NUBPL: variants seen among roughly 807,000 people sequenced by gnomAD.
NUBPL encodes iron-sulfur cluster transfer protein NUBPL.
In NUBPL, 31 loss-of-function variants were observed where a neutral mutation model predicts 45.7. The observed-to-expected ratio is 0.68, with a 90% CI of 0.51 to 0.92. The LOEUF is 0.92. Ranked by LOEUF, NUBPL falls within the 40% of genes least tolerant of loss-of-function variation. NUBPL has a pLI of 0.00. For synonymous variants in NUBPL, 144 were observed against 140.9 expected (o/e 1.02, Z -0.15); for missense variants, 401 against 398.7 (o/e 1.01, Z -0.05).
intron 6 of NUBPL, among the ~76,000 whole-genome samples, chr14:31,766,108 A>G (rs983598789): frequency 6.6e-6 from 1 of 152,252 alleles, no homozygotes; most frequent in Non-Finnish European, 1.5e-5. Flanking sequence ...ACACACAAAT[A>G]GAATTTAAGT....
chr14:31,652,401 T>TAA (rs1344669815), intron 4 of NUBPL, among the ~76,000 whole-genome samples: 1 of 152,196 alleles, frequency 6.6e-6, no homozygotes, highest in Non-Finnish European at 1.5e-5. Context: ...GTTAAAATAC[T>TAA]AATGCATTGT....
At chr14:31,672,956 TGGACGG>T (rs977805127) in intron 4 of NUBPL, among the ~76,000 whole-genome samples, 1 of 152,196 alleles carries the variant, frequency 6.6e-6, no homozygotes, top group African/African-American at 2.4e-5. Context: ...CCTGGAAGGA[TGGACGG>T]GCAAAGGGGA....
chr14:31,802,942 T>C (rs978787442), intron 7 of NUBPL, among the ~76,000 whole-genome samples: 2 of 152,210 alleles, frequency 1.3e-5, no homozygotes, highest in African/African-American at 4.8e-5. Context: ...TTGTGAAAGG[T>C]GTCAGGCCTA....
At chr14:31,747,233 T>C (rs1422512892) in intron 6 of NUBPL, among the ~76,000 whole-genome samples, 2 of 151,116 alleles carry the variant, frequency 1.3e-5, no homozygotes, top group Non-Finnish European at 2.9e-5. Context: ...CCTCCTGGGT[T>C]CACGCCATTC....
intron 6 of NUBPL, among the ~76,000 whole-genome samples, chr14:31,737,955 A>T (rs576022985): frequency 9.2e-5 from 14 of 151,956 alleles, no homozygotes; most frequent in African/African-American, 3.1e-4. Context: ...TTCATTTTTT[A>T]TTTGTAAGCA....
rs1022126002 is a variant in NUBPL, at chr14:31,648,543, ATT to A, written c.383-24811_383-24810del. Among the ~76,000 whole-genome samples, 184 of 152,340 alleles carry A rather than the reference ATT, an allele frequency of 1.2e-3. 1 individual carries two copies. The highest frequency in any genetic ancestry group is 4.0e-3 in the African/African-American group (167 of 41,584). ...GAATAAGTTTTATAGTCGTGGTGAT[ATT>A]ACATGTGTGTATTTGTGTTAAAGGT... is the stretch of plus-strand genomic sequence containing the variant. On this transcript the variant is annotated intron_variant, in intron 4 of 10. Transcript: ENST00000281081.
intron 4 of NUBPL, among the ~76,000 whole-genome samples, chr14:31,635,725 T>C (rs1398331765): frequency 1.3e-5 from 2 of 151,768 alleles, no homozygotes; most frequent in Admixed American, 6.6e-5. Flanking sequence ...CCCATGAGCA[T>C]GGAATGTTCT....
chr14:31,741,581 T>G (rs1242000404), intron 6 of NUBPL, among the ~76,000 whole-genome samples: 1 of 152,174 alleles, frequency 6.6e-6, no homozygotes, highest in Admixed American at 6.5e-5. Flanking sequence ...TCTCTGACAT[T>G]CACCGTGAGA....
Position 31,700,008 on chromosome 14 carries a change from T to C in NUBPL, c.513+26434T>C, listed in dbSNP as rs572645184. On this transcript the variant is annotated intron_variant, in intron 6 of 10. Coordinates refer to ENST00000281081, the MANE Select transcript of NUBPL (RefSeq NM_025152.3). ...GTTGCTTGATTTCATCATTCTGCCATGTCAGCATGTATCCAAACATCACAT... is the reference window on the plus strand; with the variant it reads ...GTTGCTTGATTTCATCATTCTGCCACGTCAGCATGTATCCAAACATCACAT... Among the ~76,000 whole-genome samples the C allele has an allele frequency of 9.1e-4, 138 of 152,338 alleles. 6 individuals are homozygous for C. The South Asian group carries it at 0.028, about 31-fold the overall frequency.
chr14:31,602,392 T>TAGTAAA (rs2034463180), intron 4 of NUBPL, among the ~76,000 whole-genome samples: 1 of 146,528 alleles, frequency 6.8e-6, no homozygotes, highest in Non-Finnish European at 1.5e-5. Context: ...AGTATAATAA[T>TAGTAAA]AGAAAAAAAA....
chr14:31,763,331 T>C (rs1269958273), intron 6 of NUBPL, among the ~76,000 whole-genome samples: 1 of 152,182 alleles, frequency 6.6e-6, no homozygotes, highest in Non-Finnish European at 1.5e-5. Context: ...ATAAAACTTG[T>C]CCTTTGTCCT....
intron 4 of NUBPL, among the ~76,000 whole-genome samples, chr14:31,646,376 G>A (rs2035853430): frequency 6.6e-6 from 1 of 152,056 alleles, no homozygotes; most frequent in Non-Finnish European, 1.5e-5. Context: ...TAGCAGAGAT[G>A]GGGAGTCACC....
At chr14:31,849,636 A>G (rs2040507121) in intron 9 of NUBPL, among the ~76,000 whole-genome samples, 1 of 152,228 alleles carries the variant, frequency 6.6e-6, no homozygotes, top group Admixed American at 6.5e-5. Flanking sequence ...TTGAGATAAC[A>G]GGTCTGGCCT....
intron 3 of NUBPL, among the ~76,000 whole-genome samples, chr14:31,566,570 TA>T (rs1030612429): frequency 6.6e-6 from 1 of 152,026 alleles, no homozygotes; most frequent in Non-Finnish European, 1.5e-5. Flanking sequence ...CTTGAGTCCT[TA>T]TATGGTTTGG....
Position 31,574,578 on chromosome 14 carries a change from CCTT to C in NUBPL, c.291+9534_291+9536del, listed in dbSNP as rs1566422186. 2.2e-5 allele frequency among the ~76,000 whole-genome samples: 3 copies of C among 134,072 alleles called. No individual in the cohort carries two copies. The East Asian group carries it at 6.7e-4, about 30-fold the overall frequency. 88.0% of individuals were successfully genotyped at this position (134,072 alleles called of 152,430 possible). On this transcript the variant is annotated intron_variant, in intron 3 of 10. Transcript: ENST00000281081. Reference sequence around the variant, plus strand: ...CTGCGCCTGGCCTACTCGATTCTTTCCTTCTTTTTTTTTTTTTTTTTTTTTTTG... The same window carrying C: ...CTGCGCCTGGCCTACTCGATTCTTTCCTTTTTTTTTTTTTTTTTTTTTTTG...
intron 3 of NUBPL, among the ~76,000 whole-genome samples, chr14:31,589,995 A>C (rs376768261): frequency 1.1e-4 from 17 of 152,336 alleles, no homozygotes; most frequent in African/African-American, 4.1e-4. Flanking sequence ...TTAGAATGAC[A>C]AGCCTTATCC....
intron 3 of NUBPL, among the ~76,000 whole-genome samples, chr14:31,585,176 GGAA>G (rs1371060876): frequency 6.6e-6 from 1 of 152,150 alleles, no homozygotes; most frequent in Non-Finnish European, 1.5e-5. Flanking sequence ...GGGCCACATT[GGAA>G]GAAGAATTGT....
intron 6 of NUBPL, among the ~76,000 whole-genome samples, chr14:31,707,680 T>G (rs1473317641): frequency 1.3e-5 from 2 of 152,266 alleles, no homozygotes; most frequent in Non-Finnish European, 2.9e-5. Context: ...CTGGTCCCTC[T>G]AGCTAAGATT....
intron 6 of NUBPL, among the ~76,000 whole-genome samples, chr14:31,707,536 G>T (rs910927473): frequency 6.6e-6 from 1 of 152,018 alleles, no homozygotes; most frequent in African/African-American, 2.4e-5. Flanking sequence ...GTATAGAGGG[G>T]CCTGGCTATC....
Sources: allele counts gnomAD v4.1 joint callset (sites outside exome capture counted in the v4.1 genomes callset), GRCh38; gene constraint gnomAD v4.1.1; transcripts MANE v1.5; gene names NCBI Gene and HGNC (gene_info 2026-07-23, HGNC 2026-07-21).